The following CCDC85C variants were observed in gnomAD, a reference collection of about 807,000 sequenced individuals.
CCDC85C encodes coiled-coil domain-containing protein 85C.
Under a neutral mutation model 38.3 loss-of-function variants are expected in CCDC85C, and 18 were observed. That is an observed-to-expected ratio of 0.47 (90% CI 0.33 to 0.70). The LOEUF is 0.70. CCDC85C is among the 30% of genes least tolerant of loss of function. The pLI, the probability that CCDC85C is intolerant of heterozygous loss-of-function variation, is 0.03. For synonymous variants in CCDC85C, 264 were observed against 293.8 expected (o/e 0.90, Z 1.04); for missense variants, 566 against 621.2 (o/e 0.91, Z 0.94).
rs1897204288 is a variant in CCDC85C, at chr14:99,515,328, C to A, written c.1178G>T (p.Trp393Leu). The change falls in exon 6 of 6, where the codon TGG (tryptophan) becomes TTG (leucine). Residue 393 changes from tryptophan (W) to leucine (L), a missense_variant. Trp to Leu is a moderately conservative substitution (Grantham distance 61). Transcript: ENST00000380243. ...AIVREMCNVV[W>L]RKLGDAASSK... ...GCTGGCTGCATCTCCCAGCTTTCTC[C>A]AGACCACCTGTGGAGAGGAGAGAGA... 4 of 1,550,510 alleles carry A rather than the reference C, an allele frequency of 2.6e-6. No individual in the cohort carries two copies. The East Asian group carries it at 9.8e-5, about 38-fold the overall frequency.
intron 1 of CCDC85C, among the ~76,000 whole-genome samples, chr14:99,583,493 ACTC>A (rs1328330913): frequency 1.6e-5 from 2 of 127,184 alleles, no homozygotes; most frequent in Non-Finnish European, 3.3e-5. Flanking sequence ...AACGAGCAAA[ACTC>A]CTTCTCAAAA....
chr14:99,502,852 G>A lies in CCDC85C; in HGVS notation c.*12394C>T, dbSNP rs369597761. ...TGCCGCAAGTACAGCAGTCACAGCC[G>A]TCTCAAAGCTCCGAACCATCCCAGC... On this transcript the variant is annotated 3_prime_UTR_variant, in exon 6 of 6. Coordinates refer to ENST00000380243, the MANE Select transcript of CCDC85C (RefSeq NM_001144995.2). The A allele has an allele frequency of 3.2e-5, 51 of 1,613,102 alleles. No individual in the cohort carries two copies. In the East Asian group the frequency reaches 4.2e-4, roughly 13 times the overall value.
At chr14:99,560,480 A>G (rs1371011415) in intron 1 of CCDC85C, among the ~76,000 whole-genome samples, 1 of 152,214 alleles carries the variant, frequency 6.6e-6, no homozygotes, top group African/African-American at 2.4e-5. Context: ...CCACACACAG[A>G]GACTCCAGGG....
intron 1 of CCDC85C, among the ~76,000 whole-genome samples, chr14:99,550,810 G>A (rs1897892681): frequency 6.6e-6 from 1 of 152,190 alleles, no homozygotes; most frequent in Non-Finnish European, 1.5e-5. Flanking sequence ...TGCCCTCTGA[G>A]CCGAGATACC....
At chr14:99,518,875 G>A (rs1897266131) in intron 3 of CCDC85C, among the ~76,000 whole-genome samples, 1 of 152,130 alleles carries the variant, frequency 6.6e-6, no homozygotes, top group South Asian at 2.1e-4. Context: ...TGCCAGCGAG[G>A]GCATGGCCCG....
At position 99,516,930 on chromosome 14, in the gene CCDC85C, C is replaced by T. The variant is rs1897235125; in HGVS notation, c.1071+158G>A. The stretch of plus-strand genomic sequence containing the variant: ...TTATGACTGCCACCTCTGAGTTCAA[C>T]CTCACAGTGCTCCAGGCAGCCATGG... On this transcript the variant is annotated intron_variant, in intron 4 of 5. Transcript: ENST00000380243. This position sits in a 1 kb window ranked among gnomAD's most constrained non-coding sequence, Gnocchi z 5.5. 6.6e-6 allele frequency among the ~76,000 whole-genome samples: 1 copy of T among 152,132 alleles called. No homozygotes were observed. Among genetic ancestry groups the T allele is most frequent in the Non-Finnish European group, 1.5e-5 (1 of 68,006 alleles).
chr14:99,573,803 C>T (rs1898410684), intron 1 of CCDC85C, among the ~76,000 whole-genome samples: 1 of 152,178 alleles, frequency 6.6e-6, no homozygotes, highest in Non-Finnish European at 1.5e-5. Flanking sequence ...CACAACCCAC[C>T]CAATCCCTCT....
rs1316292253 is a variant in CCDC85C, at chr14:99,521,403, C to A, written c.975+730G>T. 2.6e-5 allele frequency among the ~76,000 whole-genome samples: 4 copies of A among 152,354 alleles called. No individual in the cohort carries two copies. In the Middle Eastern group the frequency reaches 0.014, roughly 518 times the overall value. On this transcript the variant is annotated intron_variant, in intron 3 of 5. Coordinates refer to ENST00000380243, the MANE Select transcript of CCDC85C (RefSeq NM_001144995.2). ...TCTGCACCGGGGGCCTGGGGTCAGCCTTGTGGGCAAGGGGTGCAGGGAAGA... is the reference window on the plus strand; with the variant it reads ...TCTGCACCGGGGGCCTGGGGTCAGCATTGTGGGCAAGGGGTGCAGGGAAGA...
chr14:99,516,017 G>A lies in CCDC85C; in HGVS notation c.1170+171C>T, dbSNP rs1897218942. Reference sequence around the variant, plus strand: ...GGCAGGGGGCAGCGAGATGACAACGGGCCAGGGCTCCTAGCACCTCTGAGG... The same window carrying A: ...GGCAGGGGGCAGCGAGATGACAACGAGCCAGGGCTCCTAGCACCTCTGAGG... On this transcript the variant is annotated intron_variant, in intron 5 of 5. Coordinates refer to ENST00000380243, the MANE Select transcript of CCDC85C (RefSeq NM_001144995.2). The surrounding 1 kb of genome is among the most constrained non-coding windows in gnomAD (Gnocchi z 5.5). Among the ~76,000 whole-genome samples the A allele has an allele frequency of 6.6e-6, 1 of 152,128 alleles. No homozygotes were observed. Among genetic ancestry groups the A allele is most frequent in the Admixed American group, 6.5e-5 (1 of 15,278 alleles).
chr14:99,509,973 G>A lies in CCDC85C; in HGVS notation c.*5273C>T. Reference sequence around the variant, plus strand: ...CGCAGACAGGGTGGAGGGCCTTCTTGACAGATGGTGGGGAGACATCTGGTG... The same window carrying A: ...CGCAGACAGGGTGGAGGGCCTTCTTAACAGATGGTGGGGAGACATCTGGTG... On this transcript the variant is annotated 3_prime_UTR_variant, in exon 6 of 6. Transcript: ENST00000380243. The A allele has an allele frequency of 1.6e-6, 1 of 637,382 alleles. No individual in the cohort carries two copies. The highest frequency in any genetic ancestry group is 2.7e-6 in the Non-Finnish European group (1 of 371,544). 39.5% of individuals were successfully genotyped at this position (637,382 alleles called of 1,614,324 possible).
chr14:99,518,620 G>A (rs1897260759), intron 3 of CCDC85C, among the ~76,000 whole-genome samples: 1 of 152,146 alleles, frequency 6.6e-6, no homozygotes, highest in African/African-American at 2.4e-5. Flanking sequence ...GCACACATAC[G>A]GCCCTGGGAG....
intron 1 of CCDC85C, among the ~76,000 whole-genome samples, chr14:99,537,793 G>A (rs899675045): frequency 1.2e-4 from 18 of 152,186 alleles, no homozygotes; most frequent in African/African-American, 4.1e-4. Context: ...TATCAACCCC[G>A]ACAAACAGTT....
At chr14:99,574,405 C>A (rs1007181974) in intron 1 of CCDC85C, among the ~76,000 whole-genome samples, 2 of 152,244 alleles carry the variant, frequency 1.3e-5, no homozygotes, top group South Asian at 2.1e-4. Flanking sequence ...CACTCTCCCC[C>A]AAACAGGTCC....
chr14:99,582,770 C>A (rs561609978), intron 1 of CCDC85C, among the ~76,000 whole-genome samples: 4 of 151,990 alleles, frequency 2.6e-5, no homozygotes, highest in Admixed American at 6.6e-5. Context: ...GCTGAGATTG[C>A]GCCTCTGCAC....
rs917791940 is a variant in CCDC85C, at chr14:99,512,309, G to A, written c.*2937C>T. ...TCTACAGAAAATAGACGTAGCTGCC[G>A]GGCCCGGGGACAGAAACCAGACGTT... is the stretch of plus-strand genomic sequence containing the variant. On this transcript the variant is annotated 3_prime_UTR_variant, in exon 6 of 6. Transcript: ENST00000380243. 11 of 152,122 alleles carry A rather than the reference G, an allele frequency of 7.2e-5. No homozygotes were observed. Among genetic ancestry groups the A allele is most frequent in the South Asian group, 2.1e-4 (1 of 4,808 alleles). The allele number at this position is 152,122 out of a possible 1,614,324, so 9.4% of individuals were successfully genotyped here.
intron 1 of CCDC85C, among the ~76,000 whole-genome samples, chr14:99,542,452 G>A (rs149986622): frequency 1.1e-4 from 17 of 152,286 alleles, no homozygotes; most frequent in African/African-American, 3.6e-4. Flanking sequence ...AACAGCAATC[G>A]TGTGGCTTAC....
rs544469335 is a variant in CCDC85C at position 99,545,400 on chromosome 14, T to C, written c.794-9312A>G. Among the ~76,000 whole-genome samples, 2 of 152,276 alleles carry C rather than the reference T, an allele frequency of 1.3e-5. No homozygotes were observed. Among genetic ancestry groups the C allele is most frequent in the East Asian group, 1.9e-4 (1 of 5,166 alleles). On this transcript the variant is annotated intron_variant, in intron 1 of 5. Coordinates refer to ENST00000380243, the MANE Select transcript of CCDC85C (RefSeq NM_001144995.2). This position sits in a 1 kb window ranked among gnomAD's most constrained non-coding sequence, Gnocchi z 4.7. ...TTTGGATCTGCCTGGGAACCACCAG[T>C]GTTCTCAAACCAAAACTCAAACTCA...
At chr14:99,541,604 C>T (rs946134854) in intron 1 of CCDC85C, among the ~76,000 whole-genome samples, 4 of 152,124 alleles carry the variant, frequency 2.6e-5, no homozygotes, top group African/African-American at 7.2e-5. Flanking sequence ...CTCTAGGGCT[C>T]GGAGTCACCC....
rs907436367 is a variant in CCDC85C at position 99,603,791 on chromosome 14, T to G, written c.169A>C (p.Asn57His). 25 of 1,525,500 alleles carry G rather than the reference T, an allele frequency of 1.6e-5. No individual in the cohort carries two copies. The highest frequency in any genetic ancestry group is 2.2e-5 in the Non-Finnish European group (25 of 1,142,486). 94.5% of individuals were successfully genotyped at this position (1,525,500 alleles called of 1,614,324 possible). ...LEHGGLMRDV[N>H]RRLQQHLLEI... is the part of the protein sequence containing the mutation. ...AGCAGGTGCTGCTGCAGCCGCCGGT[T>G]CACGTCGCGCATCAGGCCGCCGTGC... Residue 57 changes from asparagine (N) to histidine (H), a missense_variant, in exon 1 of 6, where the codon AAC (asparagine) becomes CAC (histidine). Physicochemically the swap from Asn to His is moderately conservative, Grantham distance 68 (BLOSUM62 1). Coordinates refer to ENST00000380243, the MANE Select transcript of CCDC85C (RefSeq NM_001144995.2). The surrounding 1 kb of genome is among the most constrained non-coding windows in gnomAD (Gnocchi z 7.5).
Sources: allele counts gnomAD v4.1 joint callset (sites outside exome capture counted in the v4.1 genomes callset), GRCh38; gene constraint gnomAD v4.1.1; non-coding constraint Gnocchi (gnomAD v3.1); transcripts MANE v1.5; gene names NCBI Gene and HGNC (gene_info 2026-07-23, HGNC 2026-07-21).